The following KRT5 variants were observed in gnomAD, a reference collection of about 807,000 sequenced individuals.
KRT5 encodes the protein keratin, type II cytoskeletal 5.
In KRT5, 17 loss-of-function variants were observed where a neutral mutation model predicts 44.0. The observed-to-expected ratio is 0.39, with a 90% CI of 0.26 to 0.58. The LOEUF (loss-of-function observed/expected upper bound fraction) is 0.58, where lower values mean the gene tolerates loss of function less well. Among genes scored for constraint, KRT5 ranks in the 20% least tolerant of loss-of-function variants. KRT5 has a pLI of 0.61. For missense variants in KRT5, 737 were observed against 785.5 expected (o/e 0.94, Z 0.74); for synonymous variants, 329 against 312.8 (o/e 1.05, Z -0.55).
chr12:52,519,389 G>A, intron 1 of KRT5: 1 of 681,690 alleles, frequency 1.5e-6, no homozygotes, highest in Non-Finnish European at 2.5e-6. Flanking sequence ...GCTGCTTGGA[G>A]TGTGTCCCGG....
rs988094630 is a variant in KRT5 at position 52,515,083 on chromosome 12, A to G, written c.1632T>C (p.Gly544=). The G allele has an allele frequency of 1.3e-6, 2 of 1,559,114 alleles. No individual in the cohort carries two copies. Among genetic ancestry groups the G allele is most frequent in the African/African-American group, 3.0e-5 (2 of 67,588 alleles). ...SSSSGGVGLG[G]GLSVGGSGFS... ...AGCCAGAGCCCCCCACACTGAGCCC[A>G]CCACCTAGGCCGACACCCCCACTGC... is the stretch of plus-strand genomic sequence containing the variant. The change falls in exon 9 of 9, where the codon GGT becomes GGC. Residue 544 remains glycine, a synonymous_variant. Transcript: ENST00000252242.
At chr12:52,518,553 A>G in intron 2 of KRT5, 3 of 538,324 alleles carry the variant, frequency 5.6e-6, no homozygotes, top group Non-Finnish European at 1.0e-5. Flanking sequence ...GCTGGTTCAT[A>G]AGACTAAAGA....
chr12:52,520,094 AG>A lies in KRT5; in HGVS notation c.202del (p.Leu68TrpfsTer83). The A allele has an allele frequency of 6.2e-7, 1 of 1,613,958 alleles. No homozygotes were observed. Among genetic ancestry groups the A allele is most frequent in the Non-Finnish European group, 8.5e-7 (1 of 1,179,946 alleles). ...GATGGATATCCTCTTGGAGCCCCCC[AG>A]GTTGTAGAGGCTCCGGCTGCCATAG... ...GGYGSRSLYNLGGSKRISIST... is the reference protein window; with the variant it reads ...GGYGSRSLYNXGGSKRISIST... On this transcript the variant is annotated frameshift_variant, in exon 1 of 9. Transcript: ENST00000252242. LOFTEE classifies it high-confidence loss of function.
At position 52,516,684 on chromosome 12, in the gene KRT5, G is replaced by A. The variant is rs531299414; in HGVS notation, c.1392C>T (p.Asp464=). 8.1e-6 allele frequency: 13 copies of A among 1,614,164 alleles called. No homozygotes were observed. In the East Asian group the frequency reaches 1.8e-4, roughly 22 times the overall value. The change falls in exon 7 of 9, where the codon GAC becomes GAT. Residue 464 remains aspartate, a synonymous_variant. Coordinates refer to ENST00000252242, the MANE Select transcript of KRT5 (RefSeq NM_000424.4). Reference sequence around the variant, plus strand: ...GCTTGCGGTAAGTGGCGATCTCCACGTCCAGGGCCAGCTTGGTGTTCATGA... The same window carrying A: ...GCTTGCGGTAAGTGGCGATCTCCACATCCAGGGCCAGCTTGGTGTTCATGA... ...QELMNTKLAL[D]VEIATYRKLL... is the part of the protein sequence containing the mutation.
chr12:52,518,818 TG>T, intron 2 of KRT5, 127 bp downstream of exon 2: 1 of 1,107,522 alleles, frequency 9.0e-7, no homozygotes, highest in Non-Finnish European at 1.4e-6. Context: ...GTTTTAGTAC[TG>T]GAGGTGTCCA....
In KRT5 at chr12:52,516,619, T is replaced by C. The variant is rs201406573; in HGVS notation, c.1439+18A>G. ...TTTATCAGCTGAAGGCCATCTTGAG[T>C]TCATGCTGTCTACTCACCTGCATTC... On this transcript the variant is annotated intron_variant, in intron 7 of 8. Transcript: ENST00000252242. The C allele has an allele frequency of 9.3e-5, 150 of 1,613,218 alleles. 1 individual carries two copies. In the East Asian group the frequency reaches 3.3e-3, roughly 36 times the overall value.
intron 8 of KRT5, chr12:52,515,477 A>C (rs1026891769): frequency 4.2e-5 from 27 of 639,636 alleles, no homozygotes; most frequent in Non-Finnish European, 6.1e-5. Context: ...TACTACAGGG[A>C]GCTAGGTACT....
At chr12:52,518,234 C>T (rs971805467) in intron 2 of KRT5, 71 bp from the exon 3 acceptor site, 1 of 1,424,870 alleles carries the variant, frequency 7.0e-7, no homozygotes, top group African/African-American at 1.4e-5. Flanking sequence ...ATTATGCAGT[C>T]AACTGTAAGC....
chr12:52,518,915 T>C (rs1158505887), intron 2 of KRT5, 31 bp downstream of exon 2: 1 of 1,613,210 alleles, frequency 6.2e-7, no homozygotes, highest in African/African-American at 1.3e-5. Flanking sequence ...GACACCACCC[T>C]CCCCTGTGTC....
In KRT5 at chr12:52,517,186, C is replaced by A; in HGVS notation, c.1139G>T (p.Arg380Leu). 5 of 1,613,944 alleles carry A rather than the reference C, an allele frequency of 3.1e-6. No homozygotes were observed. The highest frequency in any genetic ancestry group is 4.2e-6 in the Non-Finnish European group (5 of 1,179,912). Residue 380 changes from arginine to leucine, a missense_variant, in exon 6 of 9, where the codon CGC becomes CTC. Around this residue, in one of 5 missense-constraint regions of KRT5, gnomAD observed 344 missense variants for 351.6 expected, o/e 0.98. Transcript: ENST00000252242. ...QTAGRHGDDL[R>L]NTKHEISEMN... Reference sequence around the variant, plus strand: ...CTCAGAGATCTCATGCTTGGTGTTGCGGAGGTCATCGCCATGCCGGCCAGC... The same window carrying A: ...CTCAGAGATCTCATGCTTGGTGTTGAGGAGGTCATCGCCATGCCGGCCAGC...
chr12:52,517,497 G>A (rs895888302), intron 5 of KRT5, 93 bp downstream of exon 5: 2 of 1,385,998 alleles, frequency 1.4e-6, no homozygotes, highest in African/African-American at 1.4e-5. Flanking sequence ...GCTTCAGCAG[G>A]TTCCAGGAGC....
Position 52,516,736 on chromosome 12 carries a change from G to A in KRT5, c.1340C>T (p.Ala447Val), listed in dbSNP as rs1194858931. Residue 447 changes from alanine to valine, a missense_variant, in exon 7 of 9, where the codon GCC (alanine) becomes GTC (valine). By Grantham distance (64) the Ala-to-Val change is moderately conservative. Coordinates refer to ENST00000252242, the MANE Select transcript of KRT5 (RefSeq NM_000424.4). ...EALQKAKQDMARLLREYQELM... is the reference protein window; with the variant it reads ...EALQKAKQDMVRLLREYQELM... Reference sequence around the variant, plus strand: ...CTCCTGGTACTCACGCAGCAGCCGGGCCATGTCCTGCTTGGCCTTCTGCAG... The same window carrying A: ...CTCCTGGTACTCACGCAGCAGCCGGACCATGTCCTGCTTGGCCTTCTGCAG... 3 of 1,614,084 alleles carry A rather than the reference G, an allele frequency of 1.9e-6. No individual in the cohort carries two copies. Among genetic ancestry groups the A allele is most frequent in the Non-Finnish European group, 2.5e-6 (3 of 1,180,052 alleles).
chr12:52,520,061 C>G lies in KRT5; in HGVS notation c.236G>C (p.Ser79Thr). ...GGSKRISIST[S>T]GGSFRNRFGA... ...AAACCGGTTCCTGAAGCTGCCACCA[C>G]TAGTGCTGATGGATATCCTCTTGGA... is the stretch of plus-strand genomic sequence containing the variant. The change falls in exon 1 of 9, where the codon AGT (serine) becomes ACT (threonine). Residue 79 changes from serine (S) to threonine (T), a missense_variant. Around this residue, in one of 5 missense-constraint regions of KRT5, gnomAD observed 326 missense variants for 333.1 expected, o/e 0.98. Coordinates refer to ENST00000252242, the MANE Select transcript of KRT5 (RefSeq NM_000424.4). 6.2e-7 allele frequency: 1 copy of G among 1,614,148 alleles called. No individual in the cohort carries two copies. Among genetic ancestry groups the G allele is most frequent in the Non-Finnish European group, 8.5e-7 (1 of 1,180,018 alleles).
chr12:52,518,478 T>G (rs1285760798), intron 2 of KRT5: 1 of 594,614 alleles, frequency 1.7e-6, no homozygotes, highest in African/African-American at 1.8e-5. Context: ...AGTGTTCTTT[T>G]TTGAGCTTTC....
At chr12:52,515,745 C>T in intron 8 of KRT5, 53 bp downstream of exon 8, 1 of 1,443,688 alleles carries the variant, frequency 6.9e-7, no homozygotes, top group South Asian at 1.1e-5. Flanking sequence ...TGAGTTGGCA[C>T]TAAATATATC....
chr12:52,520,008 A>G lies in KRT5; in HGVS notation c.289T>C (p.Phe97Leu). Residue 97 changes from phenylalanine to leucine, a missense_variant, in exon 1 of 9, where the codon TTT becomes CTT. Phe to Leu is a conservative substitution (Grantham distance 22). Around this residue, in one of 5 missense-constraint regions of KRT5, gnomAD observed 326 missense variants for 333.1 expected, o/e 0.98. Coordinates refer to ENST00000252242, the MANE Select transcript of KRT5 (RefSeq NM_000424.4). ...FGAGAGGGYG[F>L]GGGAGSGFGF... The stretch of plus-strand genomic sequence containing the variant: ...AATCCACTACCGGCACCACCTCCAA[A>G]GCCATAGCCGCCTCCAGCACCAGCA... 6.2e-7 allele frequency: 1 copy of G among 1,613,758 alleles called. No individual in the cohort carries two copies. Among genetic ancestry groups the G allele is most frequent in the South Asian group, 1.1e-5 (1 of 91,032 alleles).
rs1938586564 is a variant in KRT5 at position 52,515,123 on chromosome 12, C to T, written c.1592G>A (p.Ser531Asn). 1.2e-6 allele frequency: 2 copies of T among 1,611,666 alleles called. No homozygotes were observed. Among genetic ancestry groups the T allele is most frequent in the East Asian group, 4.5e-5 (2 of 44,792 alleles). ...ACCCCCACTGCTGCTGGAGTAGTAG[C>T]TTCCACTGCTACCTCCGGCAAGACC... ...GGGLAGGSSG[S>N]YYSSSSGGVG... Residue 531 changes from serine to asparagine, a missense_variant, in exon 9 of 9, where the codon AGC becomes AAC. Physicochemically the swap from Ser to Asn is conservative, Grantham distance 46. This residue lies in a region of KRT5 where 344 missense variants were observed against 351.6 expected (regional missense o/e 0.98). Transcript: ENST00000252242.
intron 5 of KRT5, 32 bp downstream of exon 5, chr12:52,517,558 C>T (rs1249166374): frequency 6.2e-7 from 1 of 1,610,976 alleles, no homozygotes; most frequent in Non-Finnish European, 8.5e-7. Flanking sequence ...GGTGTGTCCC[C>T]TCACTCAGGA....
chr12:52,515,417 G>C, intron 8 of KRT5, 177 bp from the exon 9 acceptor site: 1 of 828,408 alleles, frequency 1.2e-6, no homozygotes, highest in Non-Finnish European at 2.0e-6. Flanking sequence ...GTGAGTGTAA[G>C]AGGCAAGGTG....
Sources: allele counts gnomAD v4.1 joint callset, GRCh38; gene constraint gnomAD v4.1.1; regional missense constraint gnomAD v4.1.1; transcripts MANE v1.5; gene names NCBI Gene and HGNC (gene_info 2026-07-23, HGNC 2026-07-21).